EYS: variants seen among roughly 807,000 people sequenced by gnomAD.
The protein encoded by EYS is protein eyes shut homolog.
Under a neutral mutation model 282.1 loss-of-function variants are expected in EYS, and 250 were observed. That is an observed-to-expected ratio of 0.89 (90% CI 0.80 to 0.98). The LOEUF is 0.98. EYS is among the 50% of genes least tolerant of loss of function. The pLI, the probability that EYS is intolerant of heterozygous loss-of-function variation, is 0.00. For missense variants in EYS, 4,016 were observed against 3,709.0 expected, an observed-to-expected ratio of 1.08 and a Z score of -2.15; for synonymous variants, 1,355 against 1,282.9, an observed-to-expected ratio of 1.06 and a Z score of -1.20.
chr6:64,109,245 A>G (rs1773129926), intron 31 of EYS, among the ~76,000 whole-genome samples: 1 of 152,148 alleles, frequency 6.6e-6, no homozygotes, highest in African/African-American at 2.4e-5. Flanking sequence ...TTATGCATAT[A>G]ATAGGTTTTT....
At chr6:65,513,837 C>G (rs1020166384) in intron 2 of EYS, among the ~76,000 whole-genome samples, 1 of 152,072 alleles carries the variant, frequency 6.6e-6, no homozygotes, top group African/African-American at 2.4e-5. Flanking sequence ...CGACATCATA[C>G]TGAATGGGCA....
intron 19 of EYS, among the ~76,000 whole-genome samples, chr6:64,883,154 C>A (rs865998527): frequency 4.0e-5 from 6 of 151,312 alleles, no homozygotes; most frequent in Non-Finnish European, 8.9e-5. Context: ...GTACTCAAGG[C>A]AGATTGTTTT....
chr6:64,098,093 A>G (rs941905149), intron 31 of EYS, among the ~76,000 whole-genome samples: 1 of 152,204 alleles, frequency 6.6e-6, no homozygotes, highest in Admixed American at 6.5e-5. Flanking sequence ...ATTTTGTACA[A>G]CACATTGGAA....
chr6:63,949,811 T>A (rs901862698), intron 35 of EYS, among the ~76,000 whole-genome samples: 2 of 152,330 alleles, frequency 1.3e-5, no homozygotes, highest in South Asian at 4.1e-4. Context: ...CCAACCAAAA[T>A]GTCATTTGCC....
intron 19 of EYS, among the ~76,000 whole-genome samples, chr6:64,864,382 C>CTTTTTTTTTTTTTTTTTTTT (rs1562231995): frequency 1.5e-4 from 6 of 40,082 alleles, no homozygotes; most frequent in African/African-American, 4.4e-4. Context: ...GGTGCTATAC[C>CTTTTTTTTTTTTTTTTTTTT]TTCTTTTTTT....
At chr6:65,243,991 G>A (rs1400521031) in intron 12 of EYS, among the ~76,000 whole-genome samples, 2 of 152,132 alleles carry the variant, frequency 1.3e-5, no homozygotes, top group Admixed American at 1.3e-4. Context: ...ATAAAGATAA[G>A]TTCACTCTTT....
At chr6:63,962,203 G>A (rs1032608630) in intron 35 of EYS, among the ~76,000 whole-genome samples, 3 of 152,102 alleles carry the variant, frequency 2.0e-5, no homozygotes, top group Non-Finnish European at 2.9e-5. Flanking sequence ...GCATGGGCAA[G>A]GACTTCATGT....
intron 30 of EYS, among the ~76,000 whole-genome samples, chr6:64,241,843 T>C (rs1766843861): frequency 6.6e-6 from 1 of 152,166 alleles, no homozygotes; most frequent in South Asian, 2.1e-4. Flanking sequence ...TGCTATAAAT[T>C]TTCCTCTGCA....
At chr6:65,451,126 G>T (rs1764379665) in intron 5 of EYS, among the ~76,000 whole-genome samples, 1 of 151,732 alleles carries the variant, frequency 6.6e-6, no homozygotes, top group African/African-American at 2.4e-5. Flanking sequence ...TAGATTAATA[G>T]AATTTTTCTA....
intron 15 of EYS, among the ~76,000 whole-genome samples, chr6:64,922,452 A>G (rs1279938976): frequency 6.6e-6 from 1 of 152,248 alleles, no homozygotes; most frequent in African/African-American, 2.4e-5. Context: ...GACATCTTAT[A>G]TAAGTATTAT....
chr6:65,554,308 A>G (rs1185092591), intron 2 of EYS, among the ~76,000 whole-genome samples: 4 of 152,194 alleles, frequency 2.6e-5, no homozygotes, highest in Admixed American at 2.0e-4. Flanking sequence ...TCTAACACCT[A>G]TCAAGCAATT....
intron 22 of EYS, among the ~76,000 whole-genome samples, chr6:64,724,077 T>TTG (rs1554197151): frequency 6.6e-6 from 1 of 151,876 alleles, no homozygotes; most frequent in African/African-American, 2.4e-5. Context: ...TGTTTTTTTT[T>TTG]TTGTTGTTTT....
At chr6:64,434,692 A>T (rs1164517029) in intron 28 of EYS, among the ~76,000 whole-genome samples, 1 of 151,976 alleles carries the variant, frequency 6.6e-6, no homozygotes, top group Admixed American at 6.6e-5. Context: ...TCTGTACTTA[A>T]TCTCCCTGTC....
rs751872447 is a variant in EYS, at chr6:65,544,001, AGT to A, written c.-332-48010_-332-48009del. Among the ~76,000 whole-genome samples, 1,313 of 145,028 alleles carry A rather than the reference AGT, an allele frequency of 9.1e-3. 11 individuals carry two copies. The highest frequency in any genetic ancestry group is 0.024 in the African/African-American group (939 of 38,816). On this transcript the variant is annotated intron_variant, in intron 2 of 42. Transcript: ENST00000503581. Reference sequence around the variant, plus strand: ...TCCCACTTATTACTGAAAAAGAGAAAGTGTGTGTGTGTGTGTGTGTGTGTGTG... The same window carrying A: ...TCCCACTTATTACTGAAAAAGAGAAAGTGTGTGTGTGTGTGTGTGTGTGTG...
chr6:65,015,027 T>G (rs1486185432), intron 13 of EYS, among the ~76,000 whole-genome samples: 4 of 152,024 alleles, frequency 2.6e-5, no homozygotes, highest in African/African-American at 9.7e-5. Context: ...GAAGGGGTCA[T>G]GAGCCCAGGA....
intron 29 of EYS, among the ~76,000 whole-genome samples, chr6:64,334,839 G>A (rs1421308726): frequency 6.6e-6 from 1 of 152,138 alleles, no homozygotes; most frequent in Admixed American, 6.6e-5. Context: ...TTCCAGTCCA[G>A]ATGTGGTCTG....
At chr6:64,926,941 T>A (rs1274903613) in intron 15 of EYS, among the ~76,000 whole-genome samples, 2 of 152,238 alleles carry the variant, frequency 1.3e-5, no homozygotes, top group Non-Finnish European at 2.9e-5. Context: ...CGTCATGATT[T>A]TTTTACAAAA....
At chr6:63,910,948 A>T (rs1406410979) in intron 35 of EYS, among the ~76,000 whole-genome samples, 2 of 152,156 alleles carry the variant, frequency 1.3e-5, no homozygotes, top group African/African-American at 2.4e-5. Context: ...GAAATAAAAC[A>T]TATTTCTCAG....
At chr6:65,586,306 C>A (rs967101229) in intron 2 of EYS, among the ~76,000 whole-genome samples, 2 of 152,126 alleles carry the variant, frequency 1.3e-5, no homozygotes, top group Middle Eastern at 3.4e-3. Context: ...ACTGCTCTTA[C>A]ACTGATCTCT....
Sources: allele counts gnomAD v4.1 joint callset (sites outside exome capture counted in the v4.1 genomes callset), GRCh38; gene constraint gnomAD v4.1.1; transcripts MANE v1.5; gene names NCBI Gene and HGNC (gene_info 2026-07-23, HGNC 2026-07-21).